The following GRIK2 variants were observed in gnomAD, a reference collection of about 807,000 sequenced individuals.
GRIK2 encodes glutamate receptor ionotropic, kainate 2.
In GRIK2, 32 loss-of-function variants were observed where a neutral mutation model predicts 100.3. The observed-to-expected ratio is 0.32, with a 90% CI of 0.24 to 0.43. GRIK2 has a LOEUF of 0.43. GRIK2 is among the 20% of genes least tolerant of loss of function. GRIK2 has a pLI of 1.00. For synonymous variants in GRIK2, 417 were observed against 389.4 expected (o/e 1.07, Z -0.83); for missense variants, 843 against 1,114.9 (o/e 0.76, Z 3.47).
chr6:101,594,484 C>A (rs1582791170), intron 2 of GRIK2, among the ~76,000 whole-genome samples: 1 of 151,642 alleles, frequency 6.6e-6, no homozygotes, highest in African/African-American at 2.4e-5. Context: ...AAAGCACAAC[C>A]ATAAAATGGG....
intron 7 of GRIK2, among the ~76,000 whole-genome samples, chr6:101,742,648 A>T (rs992215898): frequency 6.6e-6 from 1 of 152,192 alleles, no homozygotes; most frequent in East Asian, 1.9e-4. Context: ...AAATTGAAAC[A>T]TTTTTTAGTT....
At chr6:101,763,163 G>C (rs1036806391) in intron 7 of GRIK2, among the ~76,000 whole-genome samples, 2 of 152,168 alleles carry the variant, frequency 1.3e-5, no homozygotes, top group African/African-American at 4.8e-5. Context: ...ACAGATTGAG[G>C]GTCTTGGCAG....
chr6:101,921,947 T>C (rs1348159839), intron 12 of GRIK2, among the ~76,000 whole-genome samples: 1 of 151,892 alleles, frequency 6.6e-6, no homozygotes, highest in African/African-American at 2.4e-5. Context: ...AGGTAAAACA[T>C]GTACATTATT....
chr6:101,619,066 G>A (rs983491596), intron 2 of GRIK2, among the ~76,000 whole-genome samples: 4 of 148,828 alleles, frequency 2.7e-5, no homozygotes, highest in Admixed American at 6.8e-5. Flanking sequence ...AAGATTTTCC[G>A]AATTTTTAAA....
chr6:101,964,131 A>C lies in GRIK2; in HGVS notation c.2085+35499A>C, dbSNP rs749704361. The stretch of plus-strand genomic sequence containing the variant: ...CTGGAGACTTTAAATGTAGATATAT[A>C]ATATATACATAATTATATTTCATTA... On this transcript the variant is annotated intron_variant, in intron 14 of 16. Coordinates refer to ENST00000369134, the MANE Select transcript of GRIK2 (RefSeq NM_021956.5). Among the ~76,000 whole-genome samples the C allele has an allele frequency of 7.1e-3, 1,072 of 151,112 alleles. 13 individuals are homozygous for C. The highest frequency in any genetic ancestry group is 0.025 in the African/African-American group (1,027 of 41,350).
chr6:101,742,127 A>G (rs1331644305), intron 7 of GRIK2, among the ~76,000 whole-genome samples: 1 of 152,158 alleles, frequency 6.6e-6, no homozygotes, highest in Non-Finnish European at 1.5e-5. Context: ...ACTTTTTTCT[A>G]TTTTTGGAAA....
At chr6:101,737,062 C>G (rs536592624) in intron 7 of GRIK2, among the ~76,000 whole-genome samples, 8 of 152,186 alleles carry the variant, frequency 5.3e-5, no homozygotes, top group African/African-American at 1.9e-4. Flanking sequence ...CAGTTCCCAA[C>G]AAGTTCCTTA....
Position 101,653,446 on chromosome 6 carries a change from G to A in GRIK2, c.542-23177G>A, listed in dbSNP as rs148995966. On this transcript the variant is annotated intron_variant, in intron 4 of 16. Transcript: ENST00000369134. ...TCTCTCACTACCATGTTTCCTCCTT[G>A]ATCAATGCCAGGCAAAGTGAACTAT... Among the ~76,000 whole-genome samples, 40 of 151,718 alleles carry A rather than the reference G, an allele frequency of 2.6e-4. No individual in the cohort carries two copies. In the East Asian group the frequency reaches 7.1e-3, roughly 27 times the overall value.
intron 14 of GRIK2, among the ~76,000 whole-genome samples, chr6:101,989,393 C>T (rs752619331): frequency 2.0e-5 from 3 of 151,684 alleles, no homozygotes; most frequent in African/African-American, 7.2e-5. Flanking sequence ...AAGTTAGAGT[C>T]TTTGAGTATC....
chr6:101,741,406 C>A (rs905822051), intron 7 of GRIK2, among the ~76,000 whole-genome samples: 5 of 152,054 alleles, frequency 3.3e-5, no homozygotes, highest in Non-Finnish European at 7.4e-5. Flanking sequence ...TGGTTGGGGT[C>A]CTGAGAGTTA....
intron 4 of GRIK2, among the ~76,000 whole-genome samples, chr6:101,637,821 T>C (rs1290483354): frequency 1.3e-5 from 2 of 152,146 alleles, no homozygotes; most frequent in East Asian, 1.9e-4. Flanking sequence ...TGAATAATTA[T>C]AGCTCTCTCT....
chr6:101,740,103 A>G (rs1775925628), intron 7 of GRIK2, among the ~76,000 whole-genome samples: 1 of 152,216 alleles, frequency 6.6e-6, no homozygotes, highest in African/African-American at 2.4e-5. Context: ...TGTTTGACTC[A>G]AAGTTAAGTT....
At chr6:101,963,050 ATGT>A (rs1792403820) in intron 14 of GRIK2, among the ~76,000 whole-genome samples, 3 of 151,600 alleles carry the variant, frequency 2.0e-5, no homozygotes, top group African/African-American at 7.3e-5. Context: ...TTAGAATTTA[ATGT>A]TATTATTGAT....
At chr6:101,733,305 T>C (rs1775406009) in intron 7 of GRIK2, among the ~76,000 whole-genome samples, 2 of 152,144 alleles carry the variant, frequency 1.3e-5, no homozygotes, top group South Asian at 4.1e-4. Context: ...ACAAATTATA[T>C]GCTTTCAGAA....
intron 2 of GRIK2, among the ~76,000 whole-genome samples, chr6:101,575,763 G>T (rs745346292): frequency 6.6e-6 from 1 of 151,922 alleles, no homozygotes; most frequent in African/African-American, 2.4e-5. Context: ...TGAGCTTTGC[G>T]GCTGGTCTAA....
At chr6:101,427,512 C>G (rs902976755) in intron 2 of GRIK2, among the ~76,000 whole-genome samples, 5 of 152,158 alleles carry the variant, frequency 3.3e-5, no homozygotes, top group Non-Finnish European at 7.3e-5. Flanking sequence ...TACCCTGGTG[C>G]TGTTATCGTA....
At chr6:102,055,734 T>A (rs1299557057) in intron 16 of GRIK2, among the ~76,000 whole-genome samples, 154 bp downstream of exon 16, 1 of 152,126 alleles carries the variant, frequency 6.6e-6, no homozygotes, top group East Asian at 1.9e-4. Context: ...CAAAATATTA[T>A]ATTTTGTGAA....
intron 14 of GRIK2, among the ~76,000 whole-genome samples, chr6:101,984,993 C>T (rs1046245532): frequency 2.0e-5 from 3 of 151,516 alleles, no homozygotes; most frequent in Non-Finnish European, 4.4e-5. Context: ...GGTGGAACCC[C>T]AGAGACTTCT....
chr6:101,868,538 A>G (rs1785194015), intron 11 of GRIK2, among the ~76,000 whole-genome samples: 2 of 151,790 alleles, frequency 1.3e-5, no homozygotes, highest in Non-Finnish European at 2.9e-5. Context: ...CTACCATAAC[A>G]GCAGAATAAA....
Sources: allele counts gnomAD v4.1 joint callset (sites outside exome capture counted in the v4.1 genomes callset), GRCh38; gene constraint gnomAD v4.1.1; transcripts MANE v1.5; gene names NCBI Gene and HGNC (gene_info 2026-07-23, HGNC 2026-07-21).